SPOCK3: variants seen among roughly 807,000 people sequenced by gnomAD.
SPOCK3 encodes the protein SPARC (osteonectin), cwcv and kazal like domains proteoglycan 3.
SPOCK3 carries 30 observed loss-of-function variants against 56.6 expected under a neutral mutation model. The ratio of observed to expected loss-of-function variants is 0.53; its 90% CI spans 0.40 to 0.72. SPOCK3 has a LOEUF of 0.72. Among genes scored for constraint, SPOCK3 ranks in the 30% least tolerant of loss-of-function variants. The pLI, the probability that SPOCK3 is intolerant of heterozygous loss-of-function variation, is 0.00. For missense variants in SPOCK3, 527 were observed against 530.0 expected, an observed-to-expected ratio of 0.99 and a Z score of 0.06; for synonymous variants, 196 against 183.3, an observed-to-expected ratio of 1.07 and a Z score of -0.56.
rs10025039 is a variant in SPOCK3 at position 166,879,352 on chromosome 4, G to C, written c.589+9778C>G. Among the ~76,000 whole-genome samples, 903 of 152,016 alleles carry C rather than the reference G, an allele frequency of 5.9e-3. 12 individuals are homozygous for C. The highest frequency in any genetic ancestry group is 0.021 in the African/African-American group (868 of 41,498). On this transcript the variant is annotated intron_variant, in intron 6 of 10. Coordinates refer to ENST00000357545, the MANE Select transcript of SPOCK3 (RefSeq NM_001040159.2). ...GAAACCAGCCTGAGCAACATACTGAGATCCTGTCTCTACAAAAATAAAAAT... is the reference window on the plus strand; with the variant it reads ...GAAACCAGCCTGAGCAACATACTGACATCCTGTCTCTACAAAAATAAAAAT...
intron 4 of SPOCK3, among the ~76,000 whole-genome samples, chr4:166,996,915 A>T (rs890239262): frequency 9.2e-5 from 14 of 152,114 alleles, no homozygotes; most frequent in African/African-American, 3.1e-4. Flanking sequence ...TTATTTACAA[A>T]TCCAAGTGAA....
chr4:167,126,045 C>T (rs1312681253), intron 2 of SPOCK3, among the ~76,000 whole-genome samples: 1 of 152,170 alleles, frequency 6.6e-6, no homozygotes, highest in African/African-American at 2.4e-5. Context: ...CACCTAACCA[C>T]AACAGAGGCT....
At chr4:167,132,248 A>G (rs2150383365) in intron 2 of SPOCK3, among the ~76,000 whole-genome samples, 1 of 152,358 alleles carries the variant, frequency 6.6e-6, no homozygotes, top group South Asian at 2.1e-4. Context: ...TAAATCATCA[A>G]TAGCAGAACT....
intron 2 of SPOCK3, among the ~76,000 whole-genome samples, chr4:167,150,843 AATTC>A (rs1764352103): frequency 6.6e-6 from 1 of 152,224 alleles, no homozygotes; most frequent in African/African-American, 2.4e-5. Context: ...AATATTGGGC[AATTC>A]ATTGTATCAA....
chr4:166,853,064 A>G (rs576427208), intron 6 of SPOCK3, among the ~76,000 whole-genome samples: 25 of 152,140 alleles, frequency 1.6e-4, no homozygotes, highest in Middle Eastern at 6.8e-3. Context: ...TTTTTCTTTT[A>G]TAAAATAAAG....
At chr4:166,877,407 A>C (rs1733208221) in intron 6 of SPOCK3, among the ~76,000 whole-genome samples, 1 of 152,198 alleles carries the variant, frequency 6.6e-6, no homozygotes, top group Admixed American at 6.5e-5. Flanking sequence ...GCCAAATTTT[A>C]AGTAAAGAGT....
intron 6 of SPOCK3, among the ~76,000 whole-genome samples, chr4:166,831,382 A>G (rs1328307964): frequency 1.3e-5 from 2 of 152,132 alleles, no homozygotes; most frequent in Admixed American, 6.5e-5. Flanking sequence ...AATGTCTGTT[A>G]GAACCTGCCA....
At position 167,191,316 on chromosome 4, in the gene SPOCK3, G is replaced by A. The variant is rs1732456338; in HGVS notation, c.189+42669C>T. Among the ~76,000 whole-genome samples, 3 of 145,674 alleles carry A rather than the reference G, an allele frequency of 2.1e-5. No homozygotes were observed. In the Admixed American group the frequency reaches 2.1e-4, roughly 10 times the overall value. On this transcript the variant is annotated intron_variant, in intron 2 of 10. Transcript: ENST00000357545. ...GAAGCAAAAAAAGCACAGATTTATT[G>A]AAATGAAATTACCCTCAGTATAGTG...
At chr4:167,060,617 T>C (rs1755495533) in intron 3 of SPOCK3, among the ~76,000 whole-genome samples, 1 of 152,144 alleles carries the variant, frequency 6.6e-6, no homozygotes, top group Non-Finnish European at 1.5e-5. Context: ...TGAGATCAGA[T>C]AGTCTAAAAA....
chr4:166,754,866 T>C (rs1044629062), intron 7 of SPOCK3, 137 bp from the exon 8 acceptor site: 25 of 721,064 alleles, frequency 3.5e-5, no homozygotes, highest in Non-Finnish European at 5.2e-5. Flanking sequence ...AAATTCATCA[T>C]GAGTAGTTTG....
At chr4:166,983,694 A>G (rs1309334846) in intron 4 of SPOCK3, among the ~76,000 whole-genome samples, 3 of 152,080 alleles carry the variant, frequency 2.0e-5, no homozygotes, top group African/African-American at 7.2e-5. Context: ...TGATATATGT[A>G]TAATAATGTC....
At chr4:167,087,715 A>G (rs1425204511) in intron 2 of SPOCK3, among the ~76,000 whole-genome samples, 1 of 152,168 alleles carries the variant, frequency 6.6e-6, no homozygotes, top group African/African-American at 2.4e-5. Context: ...TAAAGTAAAC[A>G]CCATTATTGA....
chr4:166,898,114 C>A (rs1735598161), intron 5 of SPOCK3, among the ~76,000 whole-genome samples: 1 of 152,044 alleles, frequency 6.6e-6, no homozygotes, highest in Admixed American at 6.6e-5. Context: ...GCAGGAGGAT[C>A]ACTGAGCCCC....
intron 2 of SPOCK3, among the ~76,000 whole-genome samples, chr4:167,073,049 T>G (rs1756835541): frequency 1.3e-5 from 2 of 151,748 alleles, no homozygotes; most frequent in African/African-American, 4.8e-5. Context: ...GCATTCTTTG[T>G]AAAAATTTAT....
At chr4:167,105,778 G>T (rs976805786) in intron 2 of SPOCK3, among the ~76,000 whole-genome samples, 1 of 151,778 alleles carries the variant, frequency 6.6e-6, no homozygotes, top group East Asian at 1.9e-4. Flanking sequence ...CATATAGATT[G>T]AAGATAAAGG....
intron 2 of SPOCK3, among the ~76,000 whole-genome samples, chr4:167,214,982 GTATATATATTTACTA>G (rs960668531): frequency 3.3e-5 from 5 of 150,496 alleles, no homozygotes; most frequent in Non-Finnish European, 4.4e-5. Flanking sequence ...TATATTTACT[GTATATATATTTACTA>G]TATATATATT....
chr4:167,151,219 C>G (rs935809127), intron 2 of SPOCK3, among the ~76,000 whole-genome samples: 4 of 152,050 alleles, frequency 2.6e-5, no homozygotes, highest in African/African-American at 7.2e-5. Flanking sequence ...GTGATTGCAA[C>G]GCGTAGTCGA....
chr4:167,094,075 T>C (rs1021805303), intron 2 of SPOCK3, among the ~76,000 whole-genome samples: 1 of 152,096 alleles, frequency 6.6e-6, no homozygotes, highest in Non-Finnish European at 1.5e-5. Flanking sequence ...TTGGTAAATA[T>C]AAAATAGAGG....
intron 4 of SPOCK3, among the ~76,000 whole-genome samples, chr4:166,925,687 T>TA (rs1034231490): frequency 2.0e-5 from 3 of 152,016 alleles, no homozygotes; most frequent in African/African-American, 7.2e-5. Context: ...TTTTTTTTTT[T>TA]AAATATTTAC....
Sources: allele counts gnomAD v4.1 joint callset (sites outside exome capture counted in the v4.1 genomes callset), GRCh38; gene constraint gnomAD v4.1.1; transcripts MANE v1.5; gene names NCBI Gene and HGNC (gene_info 2026-07-23, HGNC 2026-07-21).